PCDHA4: variants seen among roughly 807,000 people sequenced by gnomAD.
The protein encoded by PCDHA4 is protocadherin alpha 4, also known as protocadherin alpha-4.
A neutral mutation model predicts 61.4 loss-of-function variants in PCDHA4; 49 were observed. That is an observed-to-expected ratio of 0.80 (90% CI 0.63 to 1.01). The LOEUF (loss-of-function observed/expected upper bound fraction) is 1.01, where lower values mean the gene tolerates loss of function less well. Among genes scored for constraint, PCDHA4 ranks in the 50% least tolerant of loss-of-function variants. The pLI is 0.00. For missense variants in PCDHA4, 1,254 were observed against 1,235.8 expected (o/e 1.01, Z -0.22); for synonymous variants, 590 against 550.3 (o/e 1.07, Z -1.01).
At chr5:140,850,974 GT>G in intron 1 of PCDHA4, 1 of 1,455,106 alleles carries the variant, frequency 6.9e-7, no homozygotes, top group Non-Finnish European at 9.2e-7. Flanking sequence ...CGTTCAAATA[GT>G]TTTATTCATT....
Position 140,856,096 on chromosome 5 carries a change from G to C in PCDHA4, c.2385+46524G>C, listed in dbSNP as rs1031755500. The C allele has an allele frequency of 1.1e-5, 17 of 1,597,460 alleles. 1 individual carries two copies. The Admixed American group carries it at 2.5e-4, about 24-fold the overall frequency. On this transcript the variant is annotated intron_variant, in intron 1 of 3. Coordinates refer to ENST00000530339, the MANE Select transcript of PCDHA4 (RefSeq NM_018907.4). Reference sequence around the variant, plus strand: ...TGGGGGTCCAGTGTCTGCTGCTCTCGCTTCTTCTCCTCGCAGCCTGGGAGG... The same window carrying C: ...TGGGGGTCCAGTGTCTGCTGCTCTCCCTTCTTCTCCTCGCAGCCTGGGAGG...
chr5:140,822,587 G>A (rs2150117559), intron 1 of PCDHA4: 3 of 1,609,596 alleles, frequency 1.9e-6, no homozygotes, highest in Admixed American at 3.3e-5. Flanking sequence ...GCAGATGAGG[G>A]CATCAATAAG....
At chr5:140,863,013 C>A (rs1274171221) in intron 1 of PCDHA4, 1 of 552,838 alleles carries the variant, frequency 1.8e-6, no homozygotes, top group Admixed American at 1.9e-5. Flanking sequence ...AGCTATGACG[C>A]CTGGTTGTCG....
At chr5:140,856,114 C>A (rs1375690984) in intron 1 of PCDHA4, 3 of 1,597,988 alleles carry the variant, frequency 1.9e-6, no homozygotes, top group Non-Finnish European at 2.6e-6. Flanking sequence ...TCCTCGCAGC[C>A]TGGGAGGTGG....
chr5:140,872,178 A>G (rs549229832), intron 1 of PCDHA4, among the ~76,000 whole-genome samples: 2 of 149,926 alleles, frequency 1.3e-5, no homozygotes, highest in Admixed American at 6.6e-5. Context: ...TTTTTTTTTT[A>G]CAGTGTTAAA....
At chr5:140,871,545 A>G (rs1554165721) in intron 1 of PCDHA4, 1 of 1,501,736 alleles carries the variant, frequency 6.7e-7, no homozygotes, top group Non-Finnish European at 8.9e-7. Context: ...GAAATTATTT[A>G]AAATCCAGTT....
At chr5:140,941,195 C>T (rs1337267572) in intron 1 of PCDHA4, among the ~76,000 whole-genome samples, 39 of 106,424 alleles carry the variant, frequency 3.7e-4, no homozygotes, top group Non-Finnish European at 4.9e-4. Context: ...CTTTTTTTTT[C>T]TTTCTTCCTT....
intron 1 of PCDHA4, chr5:140,855,962 G>A (rs2043697360): frequency 3.6e-6 from 5 of 1,403,344 alleles, no homozygotes; most frequent in Non-Finnish European, 4.8e-6. Flanking sequence ...ATAAAAAATA[G>A]ATATAAGAAA....
intron 1 of PCDHA4, chr5:140,864,826 T>C (rs1297675845): frequency 6.6e-6 from 1 of 152,188 alleles, no homozygotes; most frequent in African/African-American, 2.4e-5. Flanking sequence ...ATTTGGGCTT[T>C]AAGTATAAGA....
chr5:140,967,425 C>G, intron 1 of PCDHA4: 2 of 1,613,296 alleles, frequency 1.2e-6, no homozygotes, highest in Non-Finnish European at 1.7e-6. Context: ...CGGGAGCAGG[C>G]AGCCTTGCAC....
chr5:140,807,871 A>T lies in PCDHA4; in HGVS notation c.684A>T (p.Leu228Phe). 1 of 1,614,112 alleles carries T rather than the reference A, an allele frequency of 6.2e-7. No homozygotes were observed. Residue 228 changes from leucine (L) to phenylalanine (F), a missense_variant, in exon 1 of 4, where the codon TTA becomes TTT. Leu to Phe is a conservative substitution (Grantham distance 22). Coordinates refer to ENST00000530339, the MANE Select transcript of PCDHA4 (RefSeq NM_018907.4). ...GKPELTGTVQ[L>F]LITVLDANDN... is the part of the protein sequence containing the mutation. ...CCGAGTTGACTGGCACCGTTCAGTT[A>T]CTCATCACAGTACTGGATGCCAATG... is the stretch of plus-strand genomic sequence containing the variant.
intron 1 of PCDHA4, chr5:140,824,000 G>A (rs2150131265): frequency 1.2e-6 from 2 of 1,614,148 alleles, no homozygotes; most frequent in South Asian, 1.1e-5. Flanking sequence ...TTGTGCTCCA[G>A]CGCGGTGGGG....
chr5:140,937,151 C>T (rs1170352289), intron 1 of PCDHA4, among the ~76,000 whole-genome samples: 1 of 151,572 alleles, frequency 6.6e-6, no homozygotes, highest in African/African-American at 2.4e-5. Context: ...CATTCTCCTG[C>T]CTCAGCCTCC....
At chr5:140,987,944 T>C (rs910006070) in intron 3 of PCDHA4, among the ~76,000 whole-genome samples, 11 of 152,186 alleles carry the variant, frequency 7.2e-5, no homozygotes, top group African/African-American at 2.7e-4. Context: ...CTTACCTGTC[T>C]GACAAAACCA....
rs147378308 is a variant in PCDHA4, at chr5:140,807,215, G to A, written c.28G>A (p.Glu10Lys). 1.2e-6 allele frequency: 2 copies of A among 1,613,970 alleles called. No individual in the cohort carries two copies. The highest frequency in any genetic ancestry group is 1.7e-6 in the Non-Finnish European group (2 of 1,179,870). ...GGAGTTTTCCTGGGGAAGCGGCCAG[G>A]AATCCCGGCGTCTGCTGCTCTTACT... MEFSWGSGQESRRLLLLLLL... is the reference protein window; with the variant it reads MEFSWGSGQKSRRLLLLLLL... The change falls in exon 1 of 4, where the codon GAA (glutamate) becomes AAA (lysine). Residue 10 changes from glutamate (E) to lysine (K), a missense_variant. Transcript: ENST00000530339.
At chr5:140,863,049 G>A (rs781969311) in intron 1 of PCDHA4, 1 of 561,608 alleles carries the variant, frequency 1.8e-6, no homozygotes, top group Non-Finnish European at 3.5e-6. Flanking sequence ...TCAGCTGGCA[G>A]CACCCGTTCC....
At chr5:140,894,740 A>AT (rs1157881854) in intron 1 of PCDHA4, among the ~76,000 whole-genome samples, 7 of 151,086 alleles carry the variant, frequency 4.6e-5, no homozygotes, top group Middle Eastern at 3.4e-3. Flanking sequence ...AATTTGTGGA[A>AT]TTTTTTTTCT....
rs1280903830 is a variant in PCDHA4, at chr5:140,927,541, G to T, written c.2386-51408G>T. 4 of 1,613,996 alleles carry T rather than the reference G, an allele frequency of 2.5e-6. No homozygotes were observed. The East Asian group carries it at 6.7e-5, about 27-fold the overall frequency. On this transcript the variant is annotated intron_variant, in intron 1 of 3. Coordinates refer to ENST00000530339, the MANE Select transcript of PCDHA4 (RefSeq NM_018907.4). ...CGGGCTACCTGCCCGCTCAGGAGAC[G>T]CACAAGTCACCATCATTGTGGTGGA...
At chr5:140,871,306 AAGCCCAC>A in intron 1 of PCDHA4, 1 of 1,613,964 alleles carries the variant, frequency 6.2e-7, no homozygotes, top group East Asian at 2.2e-5. Flanking sequence ...CGCGCCGGGG[AAGCCCAC>A]GCTGGTGTGC....
Sources: gnomAD v4.1 joint callset for allele counts (sites outside exome capture counted in the v4.1 genomes callset) on GRCh38, gnomAD v4.1.1 for gene constraint, MANE v1.5 for transcripts, NCBI Gene and HGNC (gene_info 2026-07-23, HGNC 2026-07-21) for gene names.